The following SERPINH1 variants were observed in gnomAD, a reference collection of about 807,000 sequenced individuals.
SERPINH1 encodes the protein serpin H1.
A neutral mutation model predicts 32.3 loss-of-function variants in SERPINH1; 22 were observed. That is an observed-to-expected ratio of 0.68 (90% confidence interval 0.49 to 0.97). The LOEUF (loss-of-function observed/expected upper bound fraction) is 0.97, where lower values mean the gene tolerates loss of function less well. Ranked by LOEUF, SERPINH1 falls within the 50% of genes least tolerant of loss-of-function variation. SERPINH1 has a pLI of 0.00. For missense variants in SERPINH1, 543 were observed against 576.4 expected (o/e 0.94, Z 0.59); for synonymous variants, 251 against 245.9 (o/e 1.02, Z -0.19).
chr11:75,571,051 A>G (rs2135556956), intron 4 of SERPINH1, among the ~76,000 whole-genome samples: 1 of 152,160 alleles, frequency 6.6e-6, no homozygotes, highest in Admixed American at 6.5e-5. Flanking sequence ...GGCTTCCAAG[A>G]GCTGTGCAGG....
intron 1 of SERPINH1, among the ~76,000 whole-genome samples, chr11:75,565,368 C>G (rs1189359477): frequency 6.6e-6 from 1 of 152,204 alleles, no homozygotes; most frequent in Non-Finnish European, 1.5e-5. Flanking sequence ...CTCTATTGAG[C>G]TATGTGTGAC....
At position 75,572,353 on chromosome 11, in the gene SERPINH1, A is replaced by T. The variant is rs1592206345; in HGVS notation, c.*270A>T. The T allele has an allele frequency of 1.8e-6, 1 of 543,168 alleles. No individual in the cohort carries two copies. The highest frequency in any genetic ancestry group is 2.0e-5 in the South Asian group (1 of 50,126). The allele number at this position is 543,168 out of a possible 1,614,324, so 33.6% of individuals were successfully genotyped here. ...CCATAGTCATTCTGCCTGCCCTGAA[A>T]GTCCCAGATCAAGCCTGCCTCAATC... On this transcript the variant is annotated 3_prime_UTR_variant, in exon 5 of 5. Transcript: ENST00000358171.
At chr11:75,564,354 G>C (rs1195585828) in intron 1 of SERPINH1, among the ~76,000 whole-genome samples, 9 of 152,172 alleles carry the variant, frequency 5.9e-5, no homozygotes, top group African/African-American at 2.2e-4. Context: ...TGGTGGGGGT[G>C]GGGGCTGTCA....
chr11:75,563,957 GA>G (rs1462777022), intron 1 of SERPINH1, among the ~76,000 whole-genome samples: 1 of 152,262 alleles, frequency 6.6e-6, no homozygotes, highest in Non-Finnish European at 1.5e-5. Context: ...TCTGTGGCAA[GA>G]TGGGCTGGGC....
At chr11:75,568,527 T>C (rs1942132839) in intron 2 of SERPINH1, 2 of 637,164 alleles carry the variant, frequency 3.1e-6, no homozygotes, top group Non-Finnish European at 5.7e-6. Context: ...CATCCTCAGA[T>C]GGCATGTCCT....
At chr11:75,570,763 G>A (rs916725641) in intron 4 of SERPINH1, among the ~76,000 whole-genome samples, 4 of 152,218 alleles carry the variant, frequency 2.6e-5, no homozygotes, top group Non-Finnish European at 4.4e-5. Context: ...GAGAGCGCTG[G>A]ACATGGGCCC....
At position 75,572,165 on chromosome 11, in the gene SERPINH1, T is replaced by G. The variant is rs1942209778; in HGVS notation, c.*82T>G. The G allele has an allele frequency of 2.2e-6, 3 of 1,363,786 alleles. No individual in the cohort carries two copies. Among genetic ancestry groups the G allele is most frequent in the African/African-American group, 1.5e-5 (1 of 67,612 alleles). The allele number at this position is 1,363,786 out of a possible 1,614,324, so 84.5% of individuals were successfully genotyped here. A position where few individuals can be genotyped will look rare whatever the true frequency, so the allele number is the denominator to read the frequency against. On this transcript the variant is annotated 3_prime_UTR_variant, in exon 5 of 5. Coordinates refer to ENST00000358171, the MANE Select transcript of SERPINH1 (RefSeq NM_001235.5). ...GGTGCTATTGGGGTTGGGGGGGAGG[T>G]GAGGTACCAGCCTTGGATACTCCAT...
At chr11:75,569,828 C>T (rs1323915902) in intron 4 of SERPINH1, among the ~76,000 whole-genome samples, 2 of 152,286 alleles carry the variant, frequency 1.3e-5, no homozygotes, top group East Asian at 3.9e-4. Context: ...GTTAAGTAAC[C>T]TGTGCAAAGT....
chr11:75,566,946 GCT>G lies in SERPINH1; in HGVS notation c.598_599del (p.Leu200SerfsTer12). On this transcript the variant is annotated frameshift_variant, in exon 2 of 5. Coordinates refer to ENST00000358171, the MANE Select transcript of SERPINH1 (RefSeq NM_001235.5). LOFTEE classifies it high-confidence loss of function. ...ACGTGGAGCGCACGGACGGCGCCCT[GCT>G]AGTCAACGCCATGTTCTTCAAGCGT... ...KDVERTDGAL[L>X]VNAMFFKPHW... The G allele has an allele frequency of 1.2e-6, 2 of 1,602,014 alleles. No individual in the cohort carries two copies. Among genetic ancestry groups the G allele is most frequent in the East Asian group, 4.5e-5 (2 of 44,856 alleles).
chr11:75,564,638 G>A (rs1942041291), intron 1 of SERPINH1, among the ~76,000 whole-genome samples: 1 of 152,218 alleles, frequency 6.6e-6, no homozygotes, highest in Admixed American at 6.5e-5. Flanking sequence ...CCAGAGCTGG[G>A]AGGGAGGTGT....
intron 4 of SERPINH1, 56 bp from the exon 5 acceptor site, chr11:75,571,725 G>A: frequency 6.5e-7 from 1 of 1,542,140 alleles, no homozygotes; most frequent in Non-Finnish European, 8.9e-7. Context: ...GAGGGTTTGA[G>A]GGTGGAGGAG....
At position 75,566,740 on chromosome 11, in the gene SERPINH1, G is replaced by A; in HGVS notation, c.391G>A (p.Gly131Ser). Residue 131 changes from glycine (G) to serine (S), a missense_variant, in exon 2 of 5, where the codon GGC (glycine) becomes AGC (serine). Around this residue, in one of 3 missense-constraint regions of SERPINH1, gnomAD observed 427 missense variants for 446.4 expected, o/e 0.96. Transcript: ENST00000358171. ...GGCGCGCAACGTGACCTGGAAGCTG[G>A]GCAGCCGACTGTACGGACCCAGCTC... The part of the protein sequence containing the change: ...STARNVTWKL[G>S]SRLYGPSSVS... The A allele has an allele frequency of 6.2e-7, 1 of 1,613,058 alleles. No homozygotes were observed.
intron 1 of SERPINH1, chr11:75,563,585 T>C (rs681390): frequency 0.41 from 63,154 of 152,450 alleles, 14,264 homozygotes; most frequent in South Asian, 0.6. Flanking sequence ...GCCCTGGCCT[T>C]GTTTCTCCCA....
At chr11:75,565,973 A>G (rs1942065894) in intron 1 of SERPINH1, among the ~76,000 whole-genome samples, 1 of 152,244 alleles carries the variant, frequency 6.6e-6, no homozygotes, top group Admixed American at 6.5e-5. Flanking sequence ...CGGGAGATAT[A>G]GTGGCAACCA....
At chr11:75,571,124 A>G (rs1383126277) in intron 4 of SERPINH1, among the ~76,000 whole-genome samples, 1 of 152,068 alleles carries the variant, frequency 6.6e-6, no homozygotes, top group African/African-American at 2.4e-5. Flanking sequence ...TTAACTTTTT[A>G]CTATCGAACA....
intron 1 of SERPINH1, 145 bp from the exon 2 acceptor site, chr11:75,566,171 G>T: frequency 1.0e-5 from 7 of 703,188 alleles, no homozygotes. Flanking sequence ...GAGGCTGGCA[G>T]CTCTGAGTCA....
In SERPINH1 at chr11:75,567,570, C is replaced by A. The variant is rs111708818; in HGVS notation, c.622+599C>A. 5.5e-3 allele frequency among the ~76,000 whole-genome samples: 838 copies of A among 152,326 alleles called. 18 individuals carry two copies. The East Asian group carries it at 0.065, about 12-fold the overall frequency. ...CTTTTGGTCTCAAGTGATCTGCCCG[C>A]CTCGGCCTCCCAAAGTGCTGGGATT... is the stretch of plus-strand genomic sequence containing the variant. On this transcript the variant is annotated intron_variant, in intron 2 of 4. Coordinates refer to ENST00000358171, the MANE Select transcript of SERPINH1 (RefSeq NM_001235.5).
chr11:75,566,995 G>GTAC, intron 2 of SERPINH1, 24 bp downstream of exon 2: 1 of 1,546,758 alleles, frequency 6.5e-7, no homozygotes, highest in Non-Finnish European at 8.8e-7. Context: ...GCGTTCAGGG[G>GTAC]TCCTCCTCCT....
chr11:75,571,986 C>T lies in SERPINH1; in HGVS notation c.1160C>T (p.Pro387Leu), dbSNP rs1565244734. 1 of 1,614,162 alleles carries T rather than the reference C, an allele frequency of 6.2e-7. No individual in the cohort carries two copies. The highest frequency in any genetic ancestry group is 2.2e-5 in the East Asian group (1 of 44,876). Residue 387 changes from proline (P) to leucine (L), a missense_variant, in exon 5 of 5, where the codon CCC becomes CTC. This residue lies in a region of SERPINH1 where 427 missense variants were observed against 446.4 expected (regional missense o/e 0.96). Transcript: ENST00000358171. Reference protein sequence around the residue: ...RSPKLFYADHPFIFLVRDTQS... With the variant: ...RSPKLFYADHLFIFLVRDTQS... ...CCCAAGCTGTTCTACGCCGACCACC[C>T]CTTCATCTTCCTAGTGCGGGACACC...
Sources: allele counts gnomAD v4.1 joint callset (sites outside exome capture counted in the v4.1 genomes callset), GRCh38; gene constraint gnomAD v4.1.1; regional missense constraint gnomAD v4.1.1; transcripts MANE v1.5; gene names NCBI Gene and HGNC (gene_info 2026-07-23, HGNC 2026-07-21).